Variants in RPTOR observed in about 807,000 individuals in gnomAD.
RPTOR encodes regulatory-associated protein of mTOR.
Under a neutral mutation model 169.9 loss-of-function variants are expected in RPTOR, and 21 were observed. That is an observed-to-expected ratio of 0.12 (90% CI 0.09 to 0.18). The LOEUF (loss-of-function observed/expected upper bound fraction) is 0.18, where lower values mean the gene tolerates loss of function less well. RPTOR is among the 10% of genes least tolerant of loss of function. The pLI is 1.00. For missense variants in RPTOR, 1,133 were observed against 1,855.9 expected, an observed-to-expected ratio of 0.61 and a Z score of 7.16; for synonymous variants, 732 against 753.2, an observed-to-expected ratio of 0.97 and a Z score of 0.46.
Position 80,743,395 on chromosome 17 carries a change from G to A in RPTOR, c.655-10615G>A, listed in dbSNP as rs554123932. ...CTGAAGGAGATGTCTAACCTGAGCC[G>A]TAGAACGTAAGAAGTTGCCAGCATA... On this transcript the variant is annotated intron_variant, in intron 5 of 33. Coordinates refer to ENST00000306801, the MANE Select transcript of RPTOR (RefSeq NM_020761.3). 1,167 of 985,504 alleles carry A rather than the reference G, an allele frequency of 1.2e-3. 3 individuals carry two copies. The highest frequency in any genetic ancestry group is 1.3e-3 in the Non-Finnish European group (1,082 of 829,970). The allele number at this position is 985,504 out of a possible 1,614,324, so 61.0% of individuals were successfully genotyped here.
At chr17:80,880,730 C>T (rs549074868) in intron 14 of RPTOR, among the ~76,000 whole-genome samples, 1 of 152,330 alleles carries the variant, frequency 6.6e-6, no homozygotes, top group Admixed American at 6.5e-5. Flanking sequence ...AACCCGGACA[C>T]ATGGGTGGTT....
At chr17:80,583,191 T>G (rs1014906215) in intron 1 of RPTOR, among the ~76,000 whole-genome samples, 2 of 132,068 alleles carry the variant, frequency 1.5e-5, no homozygotes, top group Admixed American at 7.5e-5. Flanking sequence ...TGTTTTTTTT[T>G]TTTTTTTTTT....
At chr17:80,585,752 A>G (rs762805902) in intron 1 of RPTOR, among the ~76,000 whole-genome samples, 13 of 152,230 alleles carry the variant, frequency 8.5e-5, no homozygotes, top group Non-Finnish European at 1.8e-4. Flanking sequence ...ATAATGTGTA[A>G]TATGAAGAGG....
chr17:80,571,024 T>A (rs552990595), intron 1 of RPTOR, among the ~76,000 whole-genome samples: 53 of 152,330 alleles, frequency 3.5e-4, no homozygotes, highest in Non-Finnish European at 5.9e-4. Flanking sequence ...TCACTTGGGC[T>A]TTATAACGCC....
At chr17:80,831,103 G>A (rs188167606) in intron 9 of RPTOR, among the ~76,000 whole-genome samples, 1 of 152,170 alleles carries the variant, frequency 6.6e-6, no homozygotes, top group African/African-American at 2.4e-5. Context: ...TAGCAGCCGT[G>A]TGTTGTTCCG....
At chr17:80,856,424 C>T (rs2067852738) in intron 12 of RPTOR, among the ~76,000 whole-genome samples, 1 of 152,196 alleles carries the variant, frequency 6.6e-6, no homozygotes, top group Non-Finnish European at 1.5e-5. Flanking sequence ...ACCGCTGTCA[C>T]TAGCTGGGTG....
chr17:80,859,313 C>G (rs994763674), intron 13 of RPTOR, among the ~76,000 whole-genome samples: 5 of 152,200 alleles, frequency 3.3e-5, no homozygotes, highest in African/African-American at 9.6e-5. Flanking sequence ...CAGAGTGGTG[C>G]AAAGGGTCTG....
At chr17:80,728,467 G>T (rs2066359917) in intron 4 of RPTOR, among the ~76,000 whole-genome samples, 1 of 151,962 alleles carries the variant, frequency 6.6e-6, no homozygotes, top group Non-Finnish European at 1.5e-5. Flanking sequence ...GTGTGTGTGT[G>T]TGTGTAATCT....
intron 5 of RPTOR, among the ~76,000 whole-genome samples, chr17:80,742,212 T>A (rs2066488352): frequency 6.6e-6 from 1 of 152,100 alleles, no homozygotes; most frequent in Admixed American, 6.5e-5. Flanking sequence ...TTTGTGCTAA[T>A]GGGAGTAACC....
At chr17:80,675,475 C>T (rs532017156) in intron 3 of RPTOR, among the ~76,000 whole-genome samples, 2 of 152,288 alleles carry the variant, frequency 1.3e-5, no homozygotes, top group Admixed American at 6.5e-5. Flanking sequence ...TGCAGTGCCC[C>T]GGTGGGGTGG....
In RPTOR at chr17:80,945,668, C is replaced by T. The variant is rs764795612; in HGVS notation, c.3027C>T (p.Gly1009=). 15 of 1,595,416 alleles carry T rather than the reference C, an allele frequency of 9.4e-6. No individual in the cohort carries two copies. The highest frequency in any genetic ancestry group is 1.2e-5 in the Non-Finnish European group (14 of 1,165,292). Residue 1009 remains glycine, a splice_region_variant and synonymous_variant, in exon 26 of 34, where the codon GGC becomes GGT. Coordinates refer to ENST00000306801, the MANE Select transcript of RPTOR (RefSeq NM_020761.3). ...RRQAQQVIQK[G]ITRLDDQIFL... ...ACTCTTGTGTGTTTCTTTTGACAGG[C>T]ATTACGAGATTGGACGACCAAATAT... is the stretch of plus-strand genomic sequence containing the variant.
intron 4 of RPTOR, among the ~76,000 whole-genome samples, chr17:80,724,726 G>C (rs2066316116): frequency 6.6e-6 from 1 of 152,212 alleles, no homozygotes; most frequent in Middle Eastern, 3.2e-3. Flanking sequence ...GAGGGCGACT[G>C]TCTGCACCTG....
intron 2 of RPTOR, among the ~76,000 whole-genome samples, chr17:80,631,118 T>C (rs1355206615): frequency 6.6e-6 from 1 of 152,184 alleles, no homozygotes; most frequent in Non-Finnish European, 1.5e-5. Flanking sequence ...CCATCCTCCA[T>C]GCTCTTCACC....
chr17:80,706,723 C>A (rs1246190921), intron 3 of RPTOR, among the ~76,000 whole-genome samples: 2 of 152,210 alleles, frequency 1.3e-5, no homozygotes, highest in Admixed American at 1.3e-4. Flanking sequence ...CCCTTCGTCC[C>A]TGTTTGTTTT....
At position 80,754,697 on chromosome 17, in the gene RPTOR, C is replaced by G. The variant is rs75588706; in HGVS notation, c.830+512C>G. On this transcript the variant is annotated intron_variant, in intron 6 of 33. Transcript: ENST00000306801. This position sits in a 1 kb window ranked among gnomAD's most constrained non-coding sequence, Gnocchi z 4.2. ...GTGTGATATTCCAAGATGGTAGAAG[C>G]CGCATTTCAGCCCCAACATCCCCAG... Among the ~76,000 whole-genome samples the G allele has an allele frequency of 1.3e-3, 192 of 152,326 alleles. 3 individuals carry two copies. The East Asian group carries it at 0.028, about 22-fold the overall frequency.
chr17:80,856,907 A>G (rs2143750334), intron 12 of RPTOR, among the ~76,000 whole-genome samples: 1 of 152,296 alleles, frequency 6.6e-6, no homozygotes, highest in East Asian at 1.9e-4. Context: ...TTTGCCTCTC[A>G]GGTGAGGGCC....
At chr17:80,961,605 T>A in intron 31 of RPTOR, 125 bp downstream of exon 31, 3 of 1,102,684 alleles carry the variant, frequency 2.7e-6, no homozygotes, top group Non-Finnish European at 3.9e-6. Flanking sequence ...AATTAACTCC[T>A]GCCCTGGAAC....
intron 7 of RPTOR, among the ~76,000 whole-genome samples, chr17:80,819,380 TTTAC>T (rs1304829492): frequency 1.3e-5 from 2 of 152,282 alleles, no homozygotes; most frequent in African/African-American, 4.8e-5. Flanking sequence ...GTCTTGCTTC[TTTAC>T]TTAATGTTAT....
chr17:80,563,584 AT>A (rs1262639799), intron 1 of RPTOR, among the ~76,000 whole-genome samples: 1 of 25,760 alleles, frequency 3.9e-5, no homozygotes, highest in Non-Finnish European at 1.8e-4. Flanking sequence ...AAAAAAAAAG[AT>A]AATAAATAAA....
Sources: gnomAD v4.1 joint callset for allele counts (sites outside exome capture counted in the v4.1 genomes callset) on GRCh38, gnomAD v4.1.1 for gene constraint, Gnocchi (gnomAD v3.1) non-coding constraint, MANE v1.5 for transcripts, NCBI Gene and HGNC (gene_info 2026-07-23, HGNC 2026-07-21) for gene names.